Variants in GARIN3 observed in about 807,000 individuals in gnomAD.
The protein encoded by GARIN3 is Golgi-associated RAB2 interactor protein 3.
the GARIN3 span, chr5:157,163,090 C>CA: frequency 6.2e-7 from 1 of 1,614,246 alleles, no homozygotes; most frequent in Non-Finnish European, 8.5e-7. Context: ...CACTGCTGGT[C>CA]CTTCAGTTCT....
chr5:157,165,532 C>A, the GARIN3 span: 5 of 1,573,462 alleles, frequency 3.2e-6, no homozygotes, highest in South Asian at 2.4e-5. Context: ...AAAGAACCTG[C>A]CCCATGTTCT....
the GARIN3 span, chr5:157,165,572 T>TTTG: frequency 1.9e-6 from 3 of 1,610,094 alleles, no homozygotes; most frequent in Non-Finnish European, 2.5e-6. Flanking sequence ...CCACTAGGCT[T>TTTG]TTGTTGTCTT....
the GARIN3 span, chr5:157,162,846 A>G: frequency 6.2e-7 from 1 of 1,613,958 alleles, no homozygotes; most frequent in Non-Finnish European, 8.5e-7. Context: ...TCGTGTTTTT[A>G]TGGCCAGATG....
At chr5:157,166,068 T>A in the GARIN3 span, 1 of 1,614,200 alleles carries the variant, frequency 6.2e-7, no homozygotes, top group Admixed American at 1.7e-5. Flanking sequence ...CTCTCCTCTG[T>A]TGTACAATTG....
chr5:157,164,427 C>T, the GARIN3 span, among the ~76,000 whole-genome samples: 7 of 152,202 alleles, frequency 4.6e-5, no homozygotes, highest in Admixed American at 1.3e-4. Context: ...GCTGGGTTAA[C>T]AAGCATGAGC....
chr5:157,166,179 G>A, the GARIN3 span: 53 of 1,590,074 alleles, frequency 3.3e-5, no homozygotes, highest in East Asian at 1.1e-4. Flanking sequence ...GGTTCTCTTC[G>A]TTTAAGACAG....
the GARIN3 span, chr5:157,163,745 A>G: frequency 6.7e-7 from 1 of 1,492,416 alleles, no homozygotes; most frequent in Non-Finnish European, 8.9e-7. Context: ...CCTGGAGTTA[A>G]TTCAAGGGCT....
At chr5:157,162,853 G>T in the GARIN3 span, 1 of 1,614,180 alleles carries the variant, frequency 6.2e-7, no homozygotes, top group Non-Finnish European at 8.5e-7. Context: ...TTTATGGCCA[G>T]ATGCGGACCG....
the GARIN3 span, among the ~76,000 whole-genome samples, chr5:157,164,814 A>G: frequency 6.6e-6 from 1 of 151,976 alleles, no homozygotes; most frequent in Admixed American, 6.6e-5. Context: ...ATGGCACAGC[A>G]CTTTAGTGGA....
At chr5:157,162,619 G>C in the GARIN3 span, 1 of 1,614,132 alleles carries the variant, frequency 6.2e-7, no homozygotes. Context: ...TGTGACCCTT[G>C]TTTTTGAACC....
the GARIN3 span, chr5:157,162,875 C>T: frequency 2.5e-6 from 4 of 1,614,192 alleles, no homozygotes; most frequent in Admixed American, 6.7e-5. Context: ...TGGGAAGACG[C>T]TTTCTGATTC....
chr5:157,162,466 A>G, the GARIN3 span: 1 of 1,613,924 alleles, frequency 6.2e-7, no homozygotes, highest in Non-Finnish European at 8.5e-7. Context: ...TTTGGTTTCA[A>G]AGACGATCAT....
the GARIN3 span, chr5:157,165,633 A>G: frequency 6.2e-7 from 1 of 1,614,122 alleles, no homozygotes; most frequent in Non-Finnish European, 8.5e-7. Flanking sequence ...GTAACTCTCT[A>G]CTGGTGGCCT....
At chr5:157,165,516 T>A in the GARIN3 span, 4 of 1,553,260 alleles carry the variant, frequency 2.6e-6, no homozygotes, top group African/African-American at 5.5e-5. Context: ...TTTGAACTGC[T>A]CCCCCAAAGA....
At chr5:157,163,307 T>C in the GARIN3 span, 1 of 1,614,204 alleles carries the variant, frequency 6.2e-7, no homozygotes, top group Admixed American at 1.7e-5. Flanking sequence ...TCTCCTGGAT[T>C]TTTGATAGCT....
the GARIN3 span, chr5:157,162,890 C>A: frequency 4.3e-6 from 7 of 1,614,118 alleles, no homozygotes; most frequent in Non-Finnish European, 5.1e-6. Context: ...TGATTCTTGT[C>A]CCCCGCTCTC....
the GARIN3 span, chr5:157,165,480 G>C: frequency 2.0e-6 from 3 of 1,516,006 alleles, no homozygotes; most frequent in Non-Finnish European, 2.6e-6. Flanking sequence ...GGCCTCAGAA[G>C]GCACCAAAGG....
chr5:157,162,261 G>C, the GARIN3 span: 2 of 865,244 alleles, frequency 2.3e-6, no homozygotes, highest in Admixed American at 2.8e-5. Context: ...CTGTAGCATA[G>C]CCACCATCAC....
chr5:157,162,844 T>TA, the GARIN3 span: 1 of 1,614,250 alleles, frequency 6.2e-7, no homozygotes, highest in Non-Finnish European at 8.5e-7. Flanking sequence ...TCTCGTGTTT[T>TA]TATGGCCAGA....
Sources: allele counts gnomAD v4.1 joint callset (sites outside exome capture counted in the v4.1 genomes callset), GRCh38; gene constraint gnomAD v4.1.1; transcripts MANE v1.5; gene names NCBI Gene and HGNC (gene_info 2026-07-23, HGNC 2026-07-21).